The following C6orf89 variants were observed in gnomAD, a reference collection of about 807,000 sequenced individuals.
C6orf89 encodes the protein bombesin receptor-activated protein C6orf89.
A neutral mutation model predicts 40.7 loss-of-function variants in C6orf89; 29 were observed. That is an observed-to-expected ratio of 0.71 (90% CI 0.53 to 0.97). The LOEUF is 0.97. Among genes scored for constraint, C6orf89 ranks in the 50% least tolerant of loss-of-function variants. C6orf89 has a pLI of 0.00. For missense variants in C6orf89, 392 were observed against 429.1 expected (o/e 0.91, Z 0.76); for synonymous variants, 165 against 152.2 (o/e 1.08, Z -0.62).
chr6:36,892,535 C>T (rs763233097), intron 1 of C6orf89, among the ~76,000 whole-genome samples: 4 of 152,092 alleles, frequency 2.6e-5, no homozygotes, highest in Admixed American at 6.6e-5. Flanking sequence ...TCAAAAATGT[C>T]TTCAGACATT....
Position 36,914,304 on chromosome 6 carries a change from A to G in C6orf89, c.424A>G (p.Asn142Asp). Residue 142 changes from asparagine (N) to aspartate (D), a missense_variant, in exon 5 of 9, where the codon AAC (asparagine) becomes GAC (aspartate). Asn to Asp is a conservative substitution (Grantham distance 23). Transcript: ENST00000480824. ...CTCAGACTTTGACCCCTGGTGGACA[A>G]ACGACTGTGAGCAGAATGAGTCAGA... is the stretch of plus-strand genomic sequence containing the variant. ...PFPDFDPWWT[N>D]DCEQNESEPI... The G allele has an allele frequency of 6.2e-7, 1 of 1,613,756 alleles. No individual in the cohort carries two copies. Among genetic ancestry groups the G allele is most frequent in the Non-Finnish European group, 8.5e-7 (1 of 1,179,812 alleles).
At chr6:36,882,743 T>A (rs1242975775), upstream of C6orf89, among the ~76,000 whole-genome samples, 4 of 126,008 alleles carry the variant, frequency 3.2e-5, no homozygotes, top group African/African-American at 1.1e-4. Context: ...TCTTTTTTTT[T>A]TTTTTGAGAC....
intron 4 of C6orf89, among the ~76,000 whole-genome samples, chr6:36,909,303 G>A (rs780124337): frequency 2.0e-5 from 3 of 151,296 alleles, no homozygotes; most frequent in Non-Finnish European, 4.4e-5. Context: ...TGAGTCAAAG[G>A]GCATGTGCAT....
At position 36,928,866 on chromosome 6, in the gene C6orf89, CTG is replaced by C. The variant is rs1224567268; in HGVS notation, c.*5426_*5427del. 1.3e-5 allele frequency: 2 copies of C among 152,260 alleles called. No individual in the cohort carries two copies. The highest frequency in any genetic ancestry group is 2.9e-5 in the Non-Finnish European group (2 of 68,040). The allele number at this position is 152,260 out of a possible 1,614,324, so 9.4% of individuals were successfully genotyped here. A position where few individuals can be genotyped will look rare whatever the true frequency, so the allele number is the denominator to read the frequency against. On this transcript the variant is annotated 3_prime_UTR_variant, in exon 9 of 9. Coordinates refer to ENST00000480824, the MANE Select transcript of C6orf89 (RefSeq NM_001286635.2). ...GTGTTCAAGTGCAGGATACTACAAA[CTG>C]GTAAAGACTTCCACCATGTGAAGAA...
intron 4 of C6orf89, among the ~76,000 whole-genome samples, chr6:36,910,016 A>G (rs1033965720): frequency 6.6e-6 from 1 of 152,194 alleles, no homozygotes; most frequent in East Asian, 1.9e-4. Flanking sequence ...GAGGAAACTG[A>G]TGTGCCAAGG....
At chr6:36,877,968 T>C (rs1301347521) in intron 1 of C6orf89, among the ~76,000 whole-genome samples, 1 of 152,264 alleles carries the variant, frequency 6.6e-6, no homozygotes, top group Non-Finnish European at 1.5e-5. Context: ...GTCCAACATA[T>C]GCATTTTCTC....
upstream of C6orf89, among the ~76,000 whole-genome samples, chr6:36,882,798 C>T (rs372622446): frequency 2.8e-5 from 4 of 141,644 alleles, no homozygotes; most frequent in Admixed American, 7.5e-5. Flanking sequence ...ACTGCAGTGG[C>T]GCAATCTCGG....
intron 4 of C6orf89, among the ~76,000 whole-genome samples, chr6:36,904,771 C>G (rs1371683981): frequency 6.6e-6 from 1 of 151,952 alleles, no homozygotes; most frequent in Non-Finnish European, 1.5e-5. Context: ...GAAAGGAAAC[C>G]CCATATGGTT....
chr6:36,901,321 ATT>A (rs60381134), intron 3 of C6orf89, among the ~76,000 whole-genome samples: 534 of 19,036 alleles, frequency 0.028, 13 homozygotes, highest in African/African-American at 0.079. Context: ...TATTATTATT[ATT>A]TTTTTTTTTT....
At chr6:36,902,576 G>T in intron 4 of C6orf89, 142 bp downstream of exon 4, 1 of 725,088 alleles carries the variant, frequency 1.4e-6, no homozygotes, top group Non-Finnish European at 2.2e-6. Flanking sequence ...AAAACTCTAT[G>T]AGATGGGGTT....
intron 4 of C6orf89, among the ~76,000 whole-genome samples, chr6:36,910,022 C>G (rs933095772): frequency 3.3e-5 from 5 of 152,014 alleles, no homozygotes; most frequent in Non-Finnish European, 7.4e-5. Flanking sequence ...ACTGATGTGC[C>G]AAGGGATTGA....
Position 36,916,383 on chromosome 6 carries a change from CTCTT to C in C6orf89, c.696-61_696-58del, listed in dbSNP as rs1762322131. The C allele has an allele frequency of 9.4e-6, 15 of 1,603,298 alleles. No individual in the cohort carries two copies. The South Asian group carries it at 1.6e-4, about 17-fold the overall frequency. ...AGTTTTCCCACCCTTACTTGGCTCT[CTCTT>C]AGTCATGGGCTGGCTTGACCAGTTT... On this transcript the variant is annotated intron_variant, in intron 6 of 8. Transcript: ENST00000480824.
intron 6 of C6orf89, among the ~76,000 whole-genome samples, chr6:36,915,896 C>T (rs1762297720): frequency 6.6e-6 from 1 of 152,126 alleles, no homozygotes. Flanking sequence ...AAAAGAAAGC[C>T]AGTTTCCATC....
At chr6:36,919,763 T>C in intron 8 of C6orf89, 62 bp downstream of exon 8, 1 of 1,507,704 alleles carries the variant, frequency 6.6e-7, no homozygotes, top group Non-Finnish European at 8.9e-7. Flanking sequence ...TCAAAAGCTA[T>C]TTTAAGAATC....
At chr6:36,909,806 T>C (rs1390353120) in intron 4 of C6orf89, among the ~76,000 whole-genome samples, 1 of 152,004 alleles carries the variant, frequency 6.6e-6, no homozygotes, top group Non-Finnish European at 1.5e-5. Flanking sequence ...AAAAAGTTTT[T>C]TGTTAATTCA....
At chr6:36,896,643 A>G (rs1354244758) in intron 2 of C6orf89, among the ~76,000 whole-genome samples, 1 of 152,170 alleles carries the variant, frequency 6.6e-6, no homozygotes, top group Non-Finnish European at 1.5e-5. Context: ...GTCTTCTACA[A>G]AAAGTTTTTA....
At chr6:36,918,162 C>G (rs948144080) in intron 7 of C6orf89, among the ~76,000 whole-genome samples, 5 of 152,212 alleles carry the variant, frequency 3.3e-5, no homozygotes, top group Non-Finnish European at 5.9e-5. Context: ...AATTGGGGAG[C>G]TGGTTGTTAA....
At chr6:36,886,328 G>C (rs13219894) in intron 1 of C6orf89, among the ~76,000 whole-genome samples, 20,740 of 152,212 alleles carry the variant, frequency 0.14, 1,628 homozygotes, top group East Asian at 0.27. Context: ...CATAACTTGA[G>C]CGTTGCTAAT....
upstream of C6orf89, among the ~76,000 whole-genome samples, chr6:36,881,056 GTTAGATGCTGGAAAGAGTCGGACCT>G (rs1489782381): frequency 2.6e-5 from 4 of 152,220 alleles, no homozygotes; most frequent in African/African-American, 9.6e-5. Flanking sequence ...GACACCTGTA[GTTAGATGCTGGAAAGAGTCGGACCT>G]TTATCTGCAT....
Sources: allele counts gnomAD v4.1 joint callset (sites outside exome capture counted in the v4.1 genomes callset), GRCh38; gene constraint gnomAD v4.1.1; transcripts MANE v1.5; gene names NCBI Gene and HGNC (gene_info 2026-07-23, HGNC 2026-07-21).